Variants in KHDRBS3 observed in about 807,000 individuals in gnomAD.
The protein encoded by KHDRBS3 is KH RNA binding domain containing, signal transduction associated 3, also known as KH domain-containing, RNA-binding, signal transduction-associated protein 3.
KHDRBS3 carries 23 observed loss-of-function variants against 45.6 expected under a neutral mutation model. The ratio of observed to expected loss-of-function variants is 0.50; its 90% CI spans 0.36 to 0.72. KHDRBS3 has a LOEUF of 0.72. Among genes scored for constraint, KHDRBS3 ranks in the 30% least tolerant of loss-of-function variants. The pLI, the probability that KHDRBS3 is intolerant of heterozygous loss-of-function variation, is 0.00. For missense variants in KHDRBS3, 352 were observed against 424.8 expected (o/e 0.83, Z 1.51); for synonymous variants, 162 against 156.5 (o/e 1.04, Z -0.26).
chr8:135,519,643 G>A (rs1214246426), intron 1 of KHDRBS3, among the ~76,000 whole-genome samples: 1 of 152,200 alleles, frequency 6.6e-6, no homozygotes, highest in Non-Finnish European at 1.5e-5. Flanking sequence ...TAAACTTGAA[G>A]AACCTGCATC....
chr8:135,540,221 T>C (rs1481575495), intron 2 of KHDRBS3: 1 of 152,146 alleles, frequency 6.6e-6, no homozygotes, highest in Non-Finnish European at 1.5e-5. Context: ...TGTAAAATTT[T>C]GGTGCTTGCA....
chr8:135,511,363 G>A (rs1019705155), intron 1 of KHDRBS3, among the ~76,000 whole-genome samples: 3 of 151,976 alleles, frequency 2.0e-5, no homozygotes, highest in African/African-American at 7.3e-5. Context: ...AGCCATGATG[G>A]GTAGAATTAA....
chr8:135,485,813 G>A (rs1344445888), intron 1 of KHDRBS3, among the ~76,000 whole-genome samples: 3 of 137,026 alleles, frequency 2.2e-5, no homozygotes, highest in Non-Finnish European at 4.6e-5. Flanking sequence ...AACACTATGA[G>A]GTATGCAGGA....
chr8:135,538,549 A>G (rs1168467411), intron 2 of KHDRBS3: 1 of 152,186 alleles, frequency 6.6e-6, no homozygotes, highest in Non-Finnish European at 1.5e-5. Context: ...CTGCTCAGGT[A>G]AAATTCAACA....
intron 6 of KHDRBS3, among the ~76,000 whole-genome samples, chr8:135,591,967 G>A (rs1265668187): frequency 2.0e-5 from 3 of 152,176 alleles, no homozygotes; most frequent in Non-Finnish European, 4.4e-5. Context: ...TACAGATTGT[G>A]AAAAGGTTAT....
At chr8:135,534,683 T>C (rs577773861) in intron 2 of KHDRBS3, among the ~76,000 whole-genome samples, 1 of 152,322 alleles carries the variant, frequency 6.6e-6, no homozygotes, top group African/African-American at 2.4e-5. Flanking sequence ...TATTGTGCTC[T>C]GCCCCCATGA....
At chr8:135,499,135 G>A (rs978287997) in intron 1 of KHDRBS3, among the ~76,000 whole-genome samples, 3 of 152,322 alleles carry the variant, frequency 2.0e-5, no homozygotes, top group Non-Finnish European at 4.4e-5. Context: ...GAGTGCAGTT[G>A]TGGTTGGGAA....
intron 5 of KHDRBS3, among the ~76,000 whole-genome samples, chr8:135,576,830 T>C (rs2130906635): frequency 6.6e-6 from 1 of 152,360 alleles, no homozygotes; most frequent in African/African-American, 2.4e-5. Context: ...CCTATGTATA[T>C]ACACATATTT....
chr8:135,606,501 G>A (rs1011575952), intron 6 of KHDRBS3, among the ~76,000 whole-genome samples: 4 of 152,128 alleles, frequency 2.6e-5, no homozygotes, highest in African/African-American at 7.2e-5. Flanking sequence ...TAGGAATGGC[G>A]TTTTGTCAGA....
intron 6 of KHDRBS3, among the ~76,000 whole-genome samples, chr8:135,606,419 T>C (rs2131025610): frequency 6.6e-6 from 1 of 152,310 alleles, no homozygotes; most frequent in Admixed American, 6.5e-5. Flanking sequence ...AAGTATTTTC[T>C]TCAGATACCC....
intron 8 of KHDRBS3, among the ~76,000 whole-genome samples, chr8:135,645,446 C>G (rs1831243758): frequency 6.6e-6 from 1 of 152,138 alleles, no homozygotes; most frequent in Non-Finnish European, 1.5e-5. Flanking sequence ...TCTTTGTTTC[C>G]TGACAGTGAA....
chr8:135,610,782 A>C, intron 7 of KHDRBS3, among the ~76,000 whole-genome samples: 1 of 151,760 alleles, frequency 6.6e-6, no homozygotes, highest in East Asian at 1.9e-4. Flanking sequence ...GGCATGAAAC[A>C]GGGAGTTTTG....
In KHDRBS3 at chr8:135,457,614, T is replaced by A. The variant is rs935107541; in HGVS notation, c.-253T>A. 1 of 146,388 alleles carries A rather than the reference T, an allele frequency of 6.8e-6. No homozygotes were observed. Among genetic ancestry groups the A allele is most frequent in the Non-Finnish European group, 1.5e-5 (1 of 65,856 alleles). The allele number at this position is 146,388 out of a possible 1,614,324, so 9.1% of individuals were successfully genotyped here. ...TAACCGCGCCGCCCGCGCCCGCTCC[T>A]CCTCGGCCCGCGCCCGGAGCGCGGG... On this transcript the variant is annotated 5_prime_UTR_variant, in exon 1 of 9. Transcript: ENST00000355849. This position sits in a 1 kb window ranked among gnomAD's most constrained non-coding sequence, Gnocchi z 4.4.
At position 135,485,842 on chromosome 8, in the gene KHDRBS3, TTATA is replaced by T. The variant is rs34886021; in HGVS notation, c.88+27912_88+27915del. 1.7e-3 allele frequency among the ~76,000 whole-genome samples: 207 copies of T among 120,306 alleles called. 11 individuals carry two copies. The highest frequency in any genetic ancestry group is 6.1e-3 in the African/African-American group (163 of 26,922). 78.9% of individuals were successfully genotyped at this position (120,306 alleles called of 152,430 possible). On this transcript the variant is annotated intron_variant, in intron 1 of 8. Transcript: ENST00000355849. ...TGCAGGATTGATTGGCATTTCAAGT[TTATA>T]TATATATATATATATATATATATTT...
intron 6 of KHDRBS3, among the ~76,000 whole-genome samples, chr8:135,586,404 C>T (rs1458898865): frequency 1.3e-5 from 2 of 151,976 alleles, no homozygotes; most frequent in African/African-American, 2.4e-5. Context: ...GTAACAGATG[C>T]TGCATGTTCC....
At chr8:135,557,123 T>C (rs1442466561) in intron 4 of KHDRBS3, among the ~76,000 whole-genome samples, 1 of 152,238 alleles carries the variant, frequency 6.6e-6, no homozygotes, top group African/African-American at 2.4e-5. Context: ...GCTAGTTGAA[T>C]TGAGTTGTAA....
At chr8:135,571,690 G>T (rs1295815706) in intron 5 of KHDRBS3, among the ~76,000 whole-genome samples, 1 of 152,088 alleles carries the variant, frequency 6.6e-6, no homozygotes, top group Non-Finnish European at 1.5e-5. Flanking sequence ...AGTTAAGGGT[G>T]CAAAGGCTTG....
chr8:135,491,600 G>T (rs1823153708), intron 1 of KHDRBS3, among the ~76,000 whole-genome samples: 1 of 152,054 alleles, frequency 6.6e-6, no homozygotes, highest in African/African-American at 2.4e-5. Context: ...GAGAGCCCCA[G>T]GAGAGAAGAA....
intron 1 of KHDRBS3, among the ~76,000 whole-genome samples, chr8:135,511,546 TTTGTTGTTG>T (rs144560423): frequency 7.3e-5 from 11 of 151,688 alleles, no homozygotes; most frequent in African/African-American, 2.2e-4. Flanking sequence ...TTTTTGTTTG[TTTGTTGTTG>T]TTGTTGTTGT....
Sources: allele counts gnomAD v4.1 joint callset (sites outside exome capture counted in the v4.1 genomes callset), GRCh38; gene constraint gnomAD v4.1.1; non-coding constraint Gnocchi (gnomAD v3.1); transcripts MANE v1.5; gene names NCBI Gene and HGNC (gene_info 2026-07-23, HGNC 2026-07-21).